The following ATG16L1 variants were observed in gnomAD, a reference collection of about 807,000 sequenced individuals.
The protein encoded by ATG16L1 is autophagy related 16 like 1, also known as autophagy-related protein 16-1.
A neutral mutation model predicts 88.5 loss-of-function variants in ATG16L1; 37 were observed. That is an observed-to-expected ratio of 0.42 (90% confidence interval 0.32 to 0.55). ATG16L1 has a LOEUF of 0.55. Among genes scored for constraint, ATG16L1 ranks in the 20% least tolerant of loss-of-function variants. ATG16L1 has a pLI of 0.13. For missense variants in ATG16L1, 554 were observed against 752.8 expected, an observed-to-expected ratio of 0.74 and a Z score of 3.09; for synonymous variants, 301 against 281.0, an observed-to-expected ratio of 1.07 and a Z score of -0.71.
intron 2 of ATG16L1, among the ~76,000 whole-genome samples, chr2:233,261,736 C>T (rs1252416251): frequency 6.6e-6 from 1 of 152,192 alleles, no homozygotes; most frequent in East Asian, 1.9e-4. Context: ...ACAGTGGTTT[C>T]AGCTGCTCAC....
At chr2:233,268,059 T>G (rs996112607) in intron 5 of ATG16L1, among the ~76,000 whole-genome samples, 1 of 152,236 alleles carries the variant, frequency 6.6e-6, no homozygotes. Flanking sequence ...GTGGTTTACC[T>G]GGGCCATATG....
chr2:233,256,515 A>G (rs1696784470), intron 2 of ATG16L1, among the ~76,000 whole-genome samples: 1 of 152,028 alleles, frequency 6.6e-6, no homozygotes, highest in South Asian at 2.1e-4. Flanking sequence ...TTAAATAATC[A>G]CAGACAAGTA....
At chr2:233,273,529 C>A (rs1411947514) in intron 7 of ATG16L1, 192 bp from the exon 8 acceptor site, 2 of 572,850 alleles carry the variant, frequency 3.5e-6, no homozygotes, top group Non-Finnish European at 6.2e-6. Context: ...TTTGAAACTT[C>A]TAGGCTGGGT....
In ATG16L1 at chr2:233,263,248, C is replaced by G; in HGVS notation, c.315+13C>G. 6.2e-7 allele frequency: 1 copy of G among 1,609,208 alleles called. No homozygotes were observed. The highest frequency in any genetic ancestry group is 1.1e-5 in the South Asian group (1 of 90,678). On this transcript the variant is annotated intron_variant, in intron 3 of 17. Coordinates refer to ENST00000392017, the MANE Select transcript of ATG16L1 (RefSeq NM_030803.7). The stretch of plus-strand genomic sequence containing the variant: ...GAAACGTGGGGAGGTAAAGCTAGCC[C>G]TTTTCCTCATCTGTCTTCTGCCCTC...
intron 17 of ATG16L1, among the ~76,000 whole-genome samples, chr2:233,293,566 G>A (rs1454975892): frequency 6.6e-6 from 1 of 152,074 alleles, no homozygotes; most frequent in South Asian, 2.1e-4. Context: ...CAGGTAGAGC[G>A]GTTAGAGTGG....
rs1698152999 is a variant in ATG16L1, at chr2:233,273,839, C to T, written c.851+62C>T. The stretch of plus-strand genomic sequence containing the variant: ...AGTATACCTAAGTATATGTACATGA[C>T]TTATTTTTATTCTTTAAATGTACAC... On this transcript the variant is annotated intron_variant, in intron 8 of 17. Coordinates refer to ENST00000392017, the MANE Select transcript of ATG16L1 (RefSeq NM_030803.7). 5 of 1,566,354 alleles carry T rather than the reference C, an allele frequency of 3.2e-6. No homozygotes were observed. The Admixed American group carries it at 8.5e-5, about 27-fold the overall frequency.
intron 8 of ATG16L1, chr2:233,274,107 C>T (rs150010037): frequency 1.9e-4 from 270 of 1,424,802 alleles, no homozygotes; most frequent in Non-Finnish European, 2.4e-4. Flanking sequence ...TGCCAATCAC[C>T]GCTTCACTGC....
Position 233,284,174 on chromosome 2 carries a change from A to G in ATG16L1, c.1203+1421A>G, listed in dbSNP as rs904500592. Among the ~76,000 whole-genome samples the G allele has an allele frequency of 2.8e-5, 4 of 143,548 alleles. No individual in the cohort carries two copies. In the Admixed American group the frequency reaches 2.8e-4, roughly 10 times the overall value. The allele number at this position is 143,548 out of a possible 152,430, so 94.2% of individuals were successfully genotyped here. The stretch of plus-strand genomic sequence containing the variant: ...TTCTTTTTTCTTTTTTTTTTTTCTG[A>G]GATGGAGCCTGTTGCCCAGGCTGGA... On this transcript the variant is annotated intron_variant, in intron 12 of 17. Transcript: ENST00000392017.
chr2:233,289,912 C>T lies in ATG16L1; in HGVS notation c.1262C>T (p.Ala421Val), dbSNP rs751543614. The change falls in exon 13 of 18, where the codon GCG (alanine) becomes GTG (valine). Residue 421 changes from alanine to valine, a missense_variant. Transcript: ENST00000392017. ...VLSAKFLLDN[A>V]RIVSGSHDRT... Reference sequence around the variant, plus strand: ...TCTGCTAAGTTCCTGCTGGACAATGCGCGGATTGTCTCAGGAAGTCACGAC... The same window carrying T: ...TCTGCTAAGTTCCTGCTGGACAATGTGCGGATTGTCTCAGGAAGTCACGAC... 5.1e-5 allele frequency: 82 copies of T among 1,614,172 alleles called. No homozygotes were observed. Among genetic ancestry groups the T allele is most frequent in the Non-Finnish European group, 6.0e-5 (71 of 1,180,030 alleles).
In ATG16L1 at chr2:233,273,751, T is replaced by C; in HGVS notation, c.825T>C (p.Leu275=). The change falls in exon 8 of 18, where the codon CTT becomes CTC. Residue 275 remains leucine (L), a synonymous_variant. Coordinates refer to ENST00000392017, the MANE Select transcript of ATG16L1 (RefSeq NM_030803.7). ...TKRLSQPAGG[L]LDSITNIFGR... is the part of the protein sequence containing the mutation. ...GACTCTCGCAGCCTGCTGGAGGCCT[T>C]CTGGATTCTATCACTAATATCTTTG... The C allele has an allele frequency of 1.2e-6, 2 of 1,614,232 alleles. No homozygotes were observed. The highest frequency in any genetic ancestry group is 8.5e-7 in the Non-Finnish European group (1 of 1,180,032).
intron 12 of ATG16L1, among the ~76,000 whole-genome samples, chr2:233,284,762 G>A (rs1360404294): frequency 2.0e-5 from 3 of 152,326 alleles, no homozygotes; most frequent in African/African-American, 4.8e-5. Flanking sequence ...GCACCACCAC[G>A]CCTGGCCCAG....
At position 233,263,228 on chromosome 2, in the gene ATG16L1, G is replaced by A; in HGVS notation, c.308G>A (p.Arg103His). ...QEELTELHKK[R>H]GELAQLVIDL... ...GAACTGACTGAATTACACAAGAAAC[G>A]TGGGGAGGTAAAGCTAGCCCTTTTC... The change falls in exon 3 of 18, where the codon CGT becomes CAT. Residue 103 changes from arginine to histidine, a missense_variant. By Grantham distance (29) the Arg-to-His change is conservative. This residue lies in a region of ATG16L1 where 11 missense variants were observed against 32.1 expected (regional missense o/e 0.34). Transcript: ENST00000392017. 4 of 1,613,734 alleles carry A rather than the reference G, an allele frequency of 2.5e-6. No individual in the cohort carries two copies. Among genetic ancestry groups the A allele is most frequent in the Non-Finnish European group, 3.4e-6 (4 of 1,179,740 alleles).
intron 12 of ATG16L1, among the ~76,000 whole-genome samples, chr2:233,289,377 A>ATGTGTGTGTGTGTGTGTGTGTG (rs56993445): frequency 0.044 from 5,694 of 128,912 alleles, 239 homozygotes; most frequent in Non-Finnish European, 0.059. Flanking sequence ...CCTGTTTGGG[A>ATGTGTGTGTGTGTGTGTGTGTG]TGTGTGTGTG....
rs1697473287 is a variant in ATG16L1, at chr2:233,265,051, T to C, written c.549T>C (p.Thr183=). ...FTALEGKLRK[T]TEENQELVTR... ...CCTTGGAGGGAAAACTGAGGAAAACTACGGAAGAGAACCAGGAGCTGGTCA... is the reference window on the plus strand; with the variant it reads ...CCTTGGAGGGAAAACTGAGGAAAACCACGGAAGAGAACCAGGAGCTGGTCA... Residue 183 remains threonine (T), a synonymous_variant, in exon 5 of 18, where the codon ACT becomes ACC. Coordinates refer to ENST00000392017, the MANE Select transcript of ATG16L1 (RefSeq NM_030803.7). 7.4e-6 allele frequency: 12 copies of C among 1,614,004 alleles called. No homozygotes were observed. The highest frequency in any genetic ancestry group is 1.3e-5 in the African/African-American group (1 of 74,896).
chr2:233,273,675 G>A, intron 7 of ATG16L1, 46 bp from the exon 8 acceptor site: 1 of 1,585,604 alleles, frequency 6.3e-7, no homozygotes, highest in Non-Finnish European at 8.6e-7. Flanking sequence ...TGATTATTTG[G>A]GCAAAATGTT....
intron 5 of ATG16L1, among the ~76,000 whole-genome samples, chr2:233,265,634 T>A (rs1005861698): frequency 2.0e-5 from 3 of 152,122 alleles, no homozygotes; most frequent in African/African-American, 7.2e-5. Context: ...CACGCCTGGC[T>A]AATTTTTGTA....
At chr2:233,258,001 CAAAAA>C (rs57141358) in intron 2 of ATG16L1, among the ~76,000 whole-genome samples, 8,772 of 88,738 alleles carry the variant, frequency 0.099, 348 homozygotes, top group Middle Eastern at 0.12. Context: ...GACTCCGTCT[CAAAAA>C]AAAAAAAAAA....
intron 2 of ATG16L1, among the ~76,000 whole-genome samples, chr2:233,258,267 A>G (rs1696956871): frequency 6.6e-6 from 1 of 152,186 alleles, no homozygotes; most frequent in African/African-American, 2.4e-5. Flanking sequence ...TTGTAAAAAC[A>G]AGGTTGGTGA....
chr2:233,286,189 G>A (rs1288480364), intron 12 of ATG16L1, among the ~76,000 whole-genome samples: 1 of 152,088 alleles, frequency 6.6e-6, no homozygotes, highest in African/African-American at 2.4e-5. Context: ...TGTTATGTTA[G>A]CTGCATGATT....
Sources: gnomAD v4.1 joint callset for allele counts (sites outside exome capture counted in the v4.1 genomes callset) on GRCh38, gnomAD v4.1.1 for gene constraint, gnomAD v4.1.1 regional missense constraint, MANE v1.5 for transcripts, NCBI Gene and HGNC (gene_info 2026-07-23, HGNC 2026-07-21) for gene names.